NDUFS1: variants seen among roughly 807,000 people sequenced by gnomAD.
The protein encoded by NDUFS1 is NADH:ubiquinone oxidoreductase core subunit S1.
A neutral mutation model predicts 84.4 loss-of-function variants in NDUFS1; 61 were observed. The observed-to-expected ratio is 0.72, with a 90% CI of 0.59 to 0.89. The LOEUF is 0.89. Among genes scored for constraint, NDUFS1 ranks in the 40% least tolerant of loss-of-function variants. NDUFS1 has a pLI of 0.00. For synonymous variants in NDUFS1, 275 were observed against 290.0 expected (o/e 0.95, Z 0.53); for missense variants, 891 against 890.0 (o/e 1.00, Z -0.01).
In NDUFS1 at chr2:206,124,023, T is replaced by G. The variant is rs1691185098; in HGVS notation, c.*162A>C. On this transcript the variant is annotated 3_prime_UTR_variant, in exon 19 of 19. Coordinates refer to ENST00000233190, the MANE Select transcript of NDUFS1 (RefSeq NM_005006.7). ...ATACATGTTTTTCAAACTGCAAAGT[T>G]GATAACTAATATCATTTTCAAATAG... The G allele has an allele frequency of 1.1e-5, 7 of 613,446 alleles. No individual in the cohort carries two copies. Among genetic ancestry groups the G allele is most frequent in the South Asian group, 1.1e-4 (5 of 47,406 alleles). The allele number at this position is 613,446 out of a possible 1,614,324, so 38.0% of individuals were successfully genotyped here.
chr2:206,131,206 T>C (rs1385483832), intron 14 of NDUFS1, among the ~76,000 whole-genome samples: 2 of 152,176 alleles, frequency 1.3e-5, no homozygotes, highest in Admixed American at 6.5e-5. Flanking sequence ...TGTGCCCCAA[T>C]AGTTCTACTT....
At position 206,116,504 on chromosome 2, in the gene NDUFS1, C is replaced by A; in HGVS notation, c.*7681G>T. On this transcript the variant is annotated 3_prime_UTR_variant, in exon 19 of 19. Transcript: ENST00000233190. ...TCCGCACCACTCGCAGCGCCATGTT[C>A]CCAGGGGTGCGGGGATGGCAGCGCT... 8.3e-7 allele frequency: 1 copy of A among 1,197,974 alleles called. No homozygotes were observed. The highest frequency in any genetic ancestry group is 1.3e-5 in the South Asian group (1 of 76,772). 74.2% of individuals were successfully genotyped at this position (1,197,974 alleles called of 1,614,324 possible).
chr2:206,129,997 A>G (rs1227584608), intron 15 of NDUFS1, 91 bp downstream of exon 15: 1 of 1,512,166 alleles, frequency 6.6e-7, no homozygotes, highest in African/African-American at 1.4e-5. Flanking sequence ...CAAATGGAAA[A>G]CATTCAGTTC....
At chr2:206,155,814 A>G (rs1285248972) in intron 1 of NDUFS1, among the ~76,000 whole-genome samples, 2 of 151,052 alleles carry the variant, frequency 1.3e-5, no homozygotes, top group East Asian at 2.0e-4. Context: ...TTGGCCTCCC[A>G]AAGTGCTAGG....
At chr2:206,127,438 C>T (rs1006891623) in intron 16 of NDUFS1, 67 of 217,654 alleles carry the variant, frequency 3.1e-4, no homozygotes, top group African/African-American at 1.5e-3. Context: ...AGGAAGCTTG[C>T]GCCCGGGAGG....
chr2:206,157,632 T>C (rs911232154), intron 1 of NDUFS1, among the ~76,000 whole-genome samples: 1 of 152,340 alleles, frequency 6.6e-6, no homozygotes, highest in Middle Eastern at 3.4e-3. Context: ...CAATGCAATA[T>C]AAAAATAGTA....
At chr2:206,129,356 G>C (rs1691416928) in intron 15 of NDUFS1, among the ~76,000 whole-genome samples, 1 of 152,048 alleles carries the variant, frequency 6.6e-6, no homozygotes, top group African/African-American at 2.4e-5. Flanking sequence ...TCAAACTCCT[G>C]AACTCAAGTG....
intron 14 of NDUFS1, among the ~76,000 whole-genome samples, chr2:206,132,595 GA>G (rs990565061): frequency 6.7e-6 from 1 of 149,418 alleles, no homozygotes; most frequent in Non-Finnish European, 1.5e-5. Context: ...TAATTAAAAA[GA>G]AAAAAAAAGA....
intron 15 of NDUFS1, among the ~76,000 whole-genome samples, chr2:206,129,068 GAA>G (rs1022310705): frequency 6.6e-6 from 1 of 151,930 alleles, no homozygotes; most frequent in Non-Finnish European, 1.5e-5. Flanking sequence ...ACTGGCAGAA[GAA>G]AAAAGTTATT....
At chr2:206,143,470 C>G (rs1375871342) in intron 10 of NDUFS1, among the ~76,000 whole-genome samples, 1 of 152,142 alleles carries the variant, frequency 6.6e-6, no homozygotes, top group Non-Finnish European at 1.5e-5. Context: ...GCCTTTCCCT[C>G]TAGTGCTTTA....
intron 8 of NDUFS1, 116 bp downstream of exon 8, chr2:206,146,787 A>G: frequency 1.0e-6 from 1 of 984,818 alleles, no homozygotes; most frequent in Non-Finnish European, 1.5e-6. Flanking sequence ...TTACATAAAC[A>G]AACAAAGTCA....
chr2:206,153,801 T>A (rs1040310456), intron 1 of NDUFS1, 119 bp from the exon 2 acceptor site: 115 of 650,434 alleles, frequency 1.8e-4, no homozygotes, highest in Middle Eastern at 1.3e-3. Context: ...ACTCATAGGT[T>A]CTGATATTTT....
At chr2:206,132,899 C>A (rs1272569267) in intron 14 of NDUFS1, 46 bp downstream of exon 14, 1 of 1,531,776 alleles carries the variant, frequency 6.5e-7, no homozygotes, top group Admixed American at 1.7e-5. Flanking sequence ...TACATATACA[C>A]AACATTACTT....
intron 5 of NDUFS1, among the ~76,000 whole-genome samples, chr2:206,148,277 A>G (rs192493933): frequency 2.0e-5 from 3 of 152,304 alleles, no homozygotes; most frequent in Admixed American, 1.3e-4. Flanking sequence ...TTATACAATT[A>G]ATAGTAATTT....
At position 206,116,420 on chromosome 2, in the gene NDUFS1, T is replaced by A. The variant is rs902551861; in HGVS notation, c.*7765A>T. 5 of 811,576 alleles carry A rather than the reference T, an allele frequency of 6.2e-6. No homozygotes were observed. In the East Asian group the frequency reaches 1.3e-4, roughly 22 times the overall value. The allele number at this position is 811,576 out of a possible 1,614,324, so 50.3% of individuals were successfully genotyped here. ...CCATCCCAAGCTGCCAGGGCCTCGA[T>A]AGGCAGGGCGCGGCAGGTGCCAGGA... On this transcript the variant is annotated 3_prime_UTR_variant, in exon 19 of 19. Coordinates refer to ENST00000233190, the MANE Select transcript of NDUFS1 (RefSeq NM_005006.7).
chr2:206,126,814 G>C lies in NDUFS1; in HGVS notation c.1915C>G (p.Leu639Val), dbSNP rs1284818312. Reference protein sequence around the residue: ...IAGMTLPYDTLDQVRNRLEEV... With the variant: ...IAGMTLPYDTVDQVRNRLEEV... ...TCCAATCTGTTCCTTACTTGATCCA[G>C]AGTATCATATGGAAGAGTCATTCCA... The change falls in exon 17 of 19, where the codon CTG becomes GTG. Residue 639 changes from leucine to valine, a missense_variant. Physicochemically the swap from Leu to Val is conservative, Grantham distance 32. Transcript: ENST00000233190. The C allele has an allele frequency of 8.7e-6, 14 of 1,614,148 alleles. No individual in the cohort carries two copies. The highest frequency in any genetic ancestry group is 1.0e-5 in the Non-Finnish European group (12 of 1,180,022).
Position 206,159,395 on chromosome 2 carries a change from C to A in NDUFS1, c.-59G>T, listed in dbSNP as rs1000178857. 3.9e-5 allele frequency: 20 copies of A among 518,248 alleles called. No individual in the cohort carries two copies. The highest frequency in any genetic ancestry group is 6.2e-5 in the Non-Finnish European group (18 of 289,676). 32.1% of individuals were successfully genotyped at this position (518,248 alleles called of 1,614,324 possible). On this transcript the variant is annotated 5_prime_UTR_variant, in exon 1 of 19. Coordinates refer to ENST00000233190, the MANE Select transcript of NDUFS1 (RefSeq NM_005006.7). ...GCTAAACTGTCTGGACCACGACGAC[C>A]CCCTAGGAGGCCGGGTCGCTTATTC...
chr2:206,123,790 G>C lies in NDUFS1; in HGVS notation c.*395C>G, dbSNP rs1417254921. 1 of 168,808 alleles carries C rather than the reference G, an allele frequency of 5.9e-6. No individual in the cohort carries two copies. The highest frequency in any genetic ancestry group is 1.3e-5 in the Non-Finnish European group (1 of 78,730). 10.5% of individuals were successfully genotyped at this position (168,808 alleles called of 1,614,324 possible). Reference sequence around the variant, plus strand: ...ATTATGTATTTTTCCTATTTACCCAGCTTGACAAGGTGCTTAAATCTTTTC... The same window carrying C: ...ATTATGTATTTTTCCTATTTACCCACCTTGACAAGGTGCTTAAATCTTTTC... On this transcript the variant is annotated 3_prime_UTR_variant, in exon 19 of 19. Transcript: ENST00000233190.
chr2:206,148,684 C>G (rs1692253558), intron 5 of NDUFS1, among the ~76,000 whole-genome samples: 1 of 152,054 alleles, frequency 6.6e-6, no homozygotes, highest in South Asian at 2.1e-4. Context: ...CTGAATGGTC[C>G]TCAGAAAATA....
Sources: gnomAD v4.1 joint callset for allele counts (sites outside exome capture counted in the v4.1 genomes callset) on GRCh38, gnomAD v4.1.1 for gene constraint, MANE v1.5 for transcripts, NCBI Gene and HGNC (gene_info 2026-07-23, HGNC 2026-07-21) for gene names.